VPS8: variants seen among roughly 807,000 people sequenced by gnomAD.
VPS8 encodes VPS8 subunit of CORVET complex, also known as vacuolar protein sorting-associated protein 8 homolog.
VPS8 carries 129 observed loss-of-function variants against 216.4 expected under a neutral mutation model. The ratio of observed to expected loss-of-function variants is 0.60; its 90% CI spans 0.52 to 0.69. The LOEUF is 0.69. Ranked by LOEUF, VPS8 falls within the 30% of genes least tolerant of loss-of-function variation. The pLI, the probability that VPS8 is intolerant of heterozygous loss-of-function variation, is 0.00. For missense variants in VPS8, 1,531 were observed against 1,683.5 expected, an observed-to-expected ratio of 0.91 and a Z score of 1.59; for synonymous variants, 571 against 565.4, an observed-to-expected ratio of 1.01 and a Z score of -0.14.
chr3:184,848,714 G>C (rs190713910), intron 8 of VPS8, among the ~76,000 whole-genome samples: 1 of 151,914 alleles, frequency 6.6e-6, no homozygotes, highest in Admixed American at 6.6e-5. Flanking sequence ...GACTACAGGC[G>C]TGGGCCACCA....
rs1333745832 is a variant in VPS8 at position 184,924,951 on chromosome 3, C to G, written c.2544C>G (p.Thr848=). 5 of 1,613,654 alleles carry G rather than the reference C, an allele frequency of 3.1e-6. No individual in the cohort carries two copies. In the Admixed American group the frequency reaches 8.3e-5, roughly 27 times the overall value. Residue 848 remains threonine (T), a synonymous_variant, in exon 30 of 48, where the codon ACC becomes ACG. Transcript: ENST00000625842. ...GGCAGCTTGCAAAGCCTGACAACACCTTGTTTGTAAACAGAACACTTTTTG... is the reference window on the plus strand; with the variant it reads ...GGCAGCTTGCAAAGCCTGACAACACGTTGTTTGTAAACAGAACACTTTTTG... ...LARQLAKPDN[T]LFVNRTLFDQ...
At chr3:185,039,012 A>G (rs1245058032) in intron 46 of VPS8, among the ~76,000 whole-genome samples, 1 of 152,210 alleles carries the variant, frequency 6.6e-6, no homozygotes, top group African/African-American at 2.4e-5. Context: ...GGATGGCAGG[A>G]TGAAAAATAC....
intron 34 of VPS8, among the ~76,000 whole-genome samples, chr3:184,935,695 T>G (rs1198060580): frequency 1.3e-5 from 2 of 152,172 alleles, no homozygotes; most frequent in Non-Finnish European, 2.9e-5. Flanking sequence ...AAATTAAAAG[T>G]CTTATATTTG....
intron 40 of VPS8, among the ~76,000 whole-genome samples, chr3:184,981,905 C>T (rs941300420): frequency 6.6e-6 from 1 of 151,778 alleles, no homozygotes; most frequent in Admixed American, 6.6e-5. Context: ...GATTGAAATG[C>T]AAAAATGTAA....
At chr3:184,942,084 A>G (rs1036828509) in intron 36 of VPS8, among the ~76,000 whole-genome samples, 3 of 152,236 alleles carry the variant, frequency 2.0e-5, no homozygotes, top group African/African-American at 4.8e-5. Context: ...TGGCATTTCA[A>G]TCATTTTTTA....
chr3:185,009,340 A>G (rs1215525301), intron 45 of VPS8, among the ~76,000 whole-genome samples: 1 of 138,158 alleles, frequency 7.2e-6, no homozygotes, highest in Non-Finnish European at 1.6e-5. Context: ...ACTATACAAT[A>G]CCATTTTTTT....
At chr3:184,983,367 T>C (rs1319799611) in intron 42 of VPS8, among the ~76,000 whole-genome samples, 1 of 152,212 alleles carries the variant, frequency 6.6e-6, no homozygotes, top group Non-Finnish European at 1.5e-5. Context: ...GATTCAGATA[T>C]ACAAGTTTCC....
At chr3:185,035,180 A>C (rs1274555402) in intron 46 of VPS8, among the ~76,000 whole-genome samples, 1 of 152,152 alleles carries the variant, frequency 6.6e-6, no homozygotes, top group Non-Finnish European at 1.5e-5. Flanking sequence ...ACTTCTTTCT[A>C]CCAAAAGAAG....
In VPS8 at chr3:184,996,384, T is replaced by A. The variant is rs1752617020; in HGVS notation, c.3719T>A (p.Leu1240Ter). The change falls in exon 44 of 48, where the codon TTG becomes TAG. Residue 1240 changes from leucine (L) to a stop codon, truncating the protein, a stop_gained. Coordinates refer to ENST00000625842, the MANE Select transcript of VPS8 (RefSeq NM_001009921.3). LOFTEE classifies it high-confidence loss of function. The part of the protein sequence containing the change: ...SLLNQDLHWS[L>*]CNLRASVTRG... ...CTAAACCAAGATCTCCATTGGTCAT[T>A]GTGTAACCTGAGAGCTTCGGTCACC... 6.2e-7 allele frequency: 1 copy of A among 1,613,754 alleles called. No individual in the cohort carries two copies. The highest frequency in any genetic ancestry group is 1.1e-5 in the South Asian group (1 of 91,052).
chr3:184,924,881 A>G lies in VPS8; in HGVS notation c.2474A>G (p.Asp825Gly). 1.2e-6 allele frequency: 2 copies of G among 1,613,150 alleles called. No individual in the cohort carries two copies. Among genetic ancestry groups the G allele is most frequent in the Non-Finnish European group, 1.7e-6 (2 of 1,179,652 alleles). ...ILLKVMVENS[D>G]FTPSQVGCLF... ...CTTCAGGTTATGGTGGAGAATTCAG[A>G]CTTTACCCCCTCACAAGTAGGATGT... Residue 825 changes from aspartate to glycine, a missense_variant, in exon 30 of 48, where the codon GAC becomes GGC. Asp to Gly is a moderately conservative substitution (Grantham distance 94). Transcript: ENST00000625842.
intron 19 of VPS8, 28 bp downstream of exon 19, chr3:184,869,064 G>C: frequency 1.3e-6 from 2 of 1,579,618 alleles, no homozygotes; most frequent in Non-Finnish European, 8.6e-7. Flanking sequence ...CAGTGTAGTA[G>C]ACGTGGTTCT....
chr3:185,037,135 T>C (rs986129029), intron 46 of VPS8, among the ~76,000 whole-genome samples: 9 of 151,860 alleles, frequency 5.9e-5, no homozygotes, highest in African/African-American at 2.2e-4. Context: ...AGAAATTGCA[T>C]TAGTAGTTCT....
At chr3:184,960,070 T>C (rs1375742269) in intron 37 of VPS8, among the ~76,000 whole-genome samples, 1 of 151,654 alleles carries the variant, frequency 6.6e-6, no homozygotes, top group Non-Finnish European at 1.5e-5. Flanking sequence ...TTCCCACCTA[T>C]GAATAAGAAC....
intron 43 of VPS8, among the ~76,000 whole-genome samples, chr3:184,995,883 T>C (rs1752550226): frequency 6.6e-6 from 1 of 152,206 alleles, no homozygotes; most frequent in Non-Finnish European, 1.5e-5. Flanking sequence ...TGAAAAGATA[T>C]TTGAAACATT....
At chr3:184,993,926 T>C in intron 42 of VPS8, 57 bp from the exon 43 acceptor site, 1 of 1,361,278 alleles carries the variant, frequency 7.3e-7, no homozygotes. Context: ...ATAACTTACA[T>C]TTTAAAGTAA....
In VPS8 at chr3:184,889,787, C is replaced by A. The variant is rs867597597; in HGVS notation, c.1781+3631C>A. 3.6e-4 allele frequency among the ~76,000 whole-genome samples: 55 copies of A among 152,238 alleles called. No homozygotes were observed. In the Middle Eastern group the frequency reaches 0.01, roughly 28 times the overall value. On this transcript the variant is annotated intron_variant, in intron 22 of 47. Coordinates refer to ENST00000625842, the MANE Select transcript of VPS8 (RefSeq NM_001009921.3). ...AGGTCTGTGTTGTGCTTGTTTGCTT[C>A]TCACCATACTGGCTTTTCTTTTTCA...
At chr3:184,934,115 A>G (rs1304004064) in intron 34 of VPS8, among the ~76,000 whole-genome samples, 2 of 152,020 alleles carry the variant, frequency 1.3e-5, no homozygotes, top group African/African-American at 2.4e-5. Context: ...ATCTTCCTAT[A>G]AAGTTTTATA....
chr3:184,866,919 A>G lies in VPS8; in HGVS notation c.1439A>G (p.Tyr480Cys), dbSNP rs763201365. The G allele has an allele frequency of 7.4e-6, 12 of 1,613,282 alleles. No individual in the cohort carries two copies. The highest frequency in any genetic ancestry group is 9.3e-6 in the Non-Finnish European group (11 of 1,179,618). The change falls in exon 17 of 48, where the codon TAT (tyrosine) becomes TGT (cysteine). Residue 480 changes from tyrosine (Y) to cysteine (C), a missense_variant. Transcript: ENST00000625842. ...EKACYQSISSYGGQIFYLGTK... is the reference protein window; with the variant it reads ...EKACYQSISSCGGQIFYLGTK... ...GCTTGTTATCAATCCATCAGTAGCT[A>G]TGGTGGTCAGATCTTTTATTTGGGG...
intron 40 of VPS8, among the ~76,000 whole-genome samples, chr3:184,980,377 A>G (rs1271050309): frequency 1.3e-5 from 2 of 152,010 alleles, no homozygotes; most frequent in Non-Finnish European, 2.9e-5. Flanking sequence ...ATTTTTGTGG[A>G]CAGTATCCTC....
Sources: allele counts gnomAD v4.1 joint callset (sites outside exome capture counted in the v4.1 genomes callset), GRCh38; gene constraint gnomAD v4.1.1; transcripts MANE v1.5; gene names NCBI Gene and HGNC (gene_info 2026-07-23, HGNC 2026-07-21).